DOCK3: variants seen among roughly 807,000 people sequenced by gnomAD.
The protein encoded by DOCK3 is dedicator of cytokinesis 3, also known as dedicator of cytokinesis protein 3.
Under a neutral mutation model 265.6 loss-of-function variants are expected in DOCK3, and 60 were observed. The observed-to-expected ratio is 0.23, with a 90% CI of 0.18 to 0.28. DOCK3 has a LOEUF of 0.28. DOCK3 is among the 10% of genes least tolerant of loss of function. The probability of loss-of-function intolerance (pLI) is 1.00; values close to 1 mark genes in which losing one functional copy is unlikely to be tolerated. For missense variants in DOCK3, 1,981 were observed against 2,594.3 expected, an observed-to-expected ratio of 0.76 and a Z score of 5.14; for synonymous variants, 881 against 938.0, an observed-to-expected ratio of 0.94 and a Z score of 1.11.
intron 49 of DOCK3, among the ~76,000 whole-genome samples, chr3:51,364,637 A>C (rs2086997875): frequency 6.6e-6 from 1 of 152,212 alleles, no homozygotes; most frequent in African/African-American, 2.4e-5. Context: ...TAAGTCTTTA[A>C]TCCATCTTAA....
chr3:51,257,736 G>A (rs906329579), intron 22 of DOCK3, among the ~76,000 whole-genome samples: 1 of 152,210 alleles, frequency 6.6e-6, no homozygotes, highest in African/African-American at 2.4e-5. Flanking sequence ...GGACAGGGCA[G>A]CTGCTTCAGC....
At chr3:51,271,087 T>C (rs2080468495) in intron 24 of DOCK3, 80 bp downstream of exon 24, 4 of 1,440,268 alleles carry the variant, frequency 2.8e-6, no homozygotes, top group African/African-American at 1.4e-5. Flanking sequence ...AAAGTGATAA[T>C]CAAAGGATCA....
At chr3:51,103,761 G>T (rs1002486867) in intron 9 of DOCK3, among the ~76,000 whole-genome samples, 2 of 152,192 alleles carry the variant, frequency 1.3e-5, no homozygotes, top group South Asian at 2.1e-4. Flanking sequence ...CTTTGGCCAA[G>T]TTGGACTCTG....
intron 27 of DOCK3, among the ~76,000 whole-genome samples, chr3:51,288,947 G>A (rs796087952): frequency 6.6e-5 from 10 of 151,454 alleles, no homozygotes; most frequent in African/African-American, 2.4e-4. Context: ...TGTATTTAAA[G>A]TAAATCGGTG....
intron 1 of DOCK3, among the ~76,000 whole-genome samples, chr3:50,777,244 C>A (rs995020456): frequency 6.6e-6 from 1 of 151,922 alleles, no homozygotes; most frequent in African/African-American, 2.4e-5. Flanking sequence ...TTGTTGAATA[C>A]CATTTGGCTT....
At chr3:50,856,499 T>C (rs114136863) in intron 3 of DOCK3, among the ~76,000 whole-genome samples, 255 of 152,318 alleles carry the variant, frequency 1.7e-3, no homozygotes, top group African/African-American at 5.9e-3. Context: ...TTGAGAAGTT[T>C]TTGTTCATGT....
In DOCK3 at chr3:51,361,712, C is replaced by A; in HGVS notation, c.5007-147C>A. ...GGTACAGCTCAGGACTGCTCCAGGC[C>A]TCAGATGGGTATGAGCATTGACTAT... On this transcript the variant is annotated intron_variant, in intron 47 of 52. Coordinates refer to ENST00000266037, the MANE Select transcript of DOCK3 (RefSeq NM_004947.5). This position sits in a 1 kb window ranked among gnomAD's most constrained non-coding sequence, Gnocchi z 4.2. 9.0e-7 allele frequency: 1 copy of A among 1,113,844 alleles called. No individual in the cohort carries two copies. Among genetic ancestry groups the A allele is most frequent in the Non-Finnish European group, 1.3e-6 (1 of 796,218 alleles). 69.0% of individuals were successfully genotyped at this position (1,113,844 alleles called of 1,614,324 possible). A position where few individuals can be genotyped will look rare whatever the true frequency, so the allele number is the denominator to read the frequency against.
rs377200419 is a variant in DOCK3, at chr3:51,089,256, G to T, written c.563G>T (p.Arg188Leu). ...SDLYKMHLSS[R>L]QSVQQSTSQV... ...TTCTTTCCATAGCATTTATCTAGCC[G>T]GCAGAGTGTACAGCAAAGCACATCC... is the stretch of plus-strand genomic sequence containing the variant. The change falls in exon 8 of 53, where the codon CGG (arginine) becomes CTG (leucine). Residue 188 changes from arginine to leucine, a missense_variant. Coordinates refer to ENST00000266037, the MANE Select transcript of DOCK3 (RefSeq NM_004947.5). The T allele has an allele frequency of 1.2e-6, 2 of 1,609,138 alleles. No homozygotes were observed. The highest frequency in any genetic ancestry group is 1.7e-6 in the Non-Finnish European group (2 of 1,177,702).
intron 1 of DOCK3, among the ~76,000 whole-genome samples, chr3:50,690,760 A>G (rs1378569072): frequency 6.6e-6 from 1 of 151,684 alleles, no homozygotes; most frequent in Non-Finnish European, 1.5e-5. Flanking sequence ...CTCCTGCCTC[A>G]GCCTCCCGAG....
At chr3:50,855,362 A>T (rs1216275099) in intron 3 of DOCK3, among the ~76,000 whole-genome samples, 2 of 150,320 alleles carry the variant, frequency 1.3e-5, no homozygotes, top group Non-Finnish European at 3.0e-5. Context: ...ATGTATTCCT[A>T]GGTATTGTAT....
rs747292005 is a variant in DOCK3 at position 51,341,230 on chromosome 3, C to T, written c.3767-7C>T. 1.3e-6 allele frequency: 2 copies of T among 1,564,764 alleles called. No homozygotes were observed. The highest frequency in any genetic ancestry group is 2.2e-5 in the East Asian group (1 of 44,450). ...CCCCTGGACCTCCATGCTGTCTGTC[C>T]CCACAGAGGCCGCATTTACCCTGCT... On this transcript the variant is annotated splice_polypyrimidine_tract_variant and splice_region_variant and intron_variant, in intron 37 of 52. Coordinates refer to ENST00000266037, the MANE Select transcript of DOCK3 (RefSeq NM_004947.5).
chr3:51,204,246 A>G (rs1413602618), intron 12 of DOCK3, among the ~76,000 whole-genome samples: 7 of 148,934 alleles, frequency 4.7e-5, no homozygotes, highest in Non-Finnish European at 1.0e-4. Flanking sequence ...AAATGGGAGA[A>G]AATTTTCACA....
rs1251382267 is a variant in DOCK3, at chr3:51,164,524, C to T, written c.1037+3822C>T. On this transcript the variant is annotated intron_variant, in intron 12 of 52. Transcript: ENST00000266037. The stretch of plus-strand genomic sequence containing the variant: ...TGTAGTCCCAGCTACTTGGGAAGGC[C>T]GAGGCAGGAGAATGGCGTGAACCCG... Among the ~76,000 whole-genome samples, 8 of 150,046 alleles carry T rather than the reference C, an allele frequency of 5.3e-5. 1 individual carries two copies. The highest frequency in any genetic ancestry group is 4.2e-4 in the South Asian group (2 of 4,756).
At chr3:51,289,113 A>G (rs963081007) in intron 27 of DOCK3, among the ~76,000 whole-genome samples, 6 of 152,158 alleles carry the variant, frequency 3.9e-5, no homozygotes, top group Admixed American at 3.9e-4. Flanking sequence ...ACACAGCCAT[A>G]AAAAAGAATG....
At chr3:51,210,546 GA>G (rs1459488028) in intron 13 of DOCK3, among the ~76,000 whole-genome samples, 1 of 152,190 alleles carries the variant, frequency 6.6e-6, no homozygotes, top group Non-Finnish European at 1.5e-5. Flanking sequence ...GCTGAACAAG[GA>G]TAGAACCCAG....
At chr3:50,998,163 G>A (rs890815759) in intron 5 of DOCK3, among the ~76,000 whole-genome samples, 1 of 152,118 alleles carries the variant, frequency 6.6e-6, no homozygotes, top group African/African-American at 2.4e-5. Flanking sequence ...AACAAAAATT[G>A]CCCTGTGTCA....
chr3:51,370,709 G>C (rs1207812629), intron 49 of DOCK3, among the ~76,000 whole-genome samples: 1 of 152,190 alleles, frequency 6.6e-6, no homozygotes, highest in Non-Finnish European at 1.5e-5. Context: ...AAATGGCTTG[G>C]TTATCTGTTG....
intron 3 of DOCK3, among the ~76,000 whole-genome samples, chr3:50,869,827 T>G (rs2047351747): frequency 1.3e-5 from 2 of 152,234 alleles, no homozygotes; most frequent in Admixed American, 1.3e-4. Flanking sequence ...CTGCTTTTGC[T>G]GTATTTTTCT....
At chr3:50,765,527 C>G (rs952353586) in intron 1 of DOCK3, among the ~76,000 whole-genome samples, 3 of 152,050 alleles carry the variant, frequency 2.0e-5, no homozygotes, top group African/African-American at 7.2e-5. Flanking sequence ...GGAGAAAGCT[C>G]TACTCTCTTT....
Sources: gnomAD v4.1 joint callset for allele counts (sites outside exome capture counted in the v4.1 genomes callset) on GRCh38, gnomAD v4.1.1 for gene constraint, Gnocchi (gnomAD v3.1) non-coding constraint, MANE v1.5 for transcripts, NCBI Gene and HGNC (gene_info 2026-07-23, HGNC 2026-07-21) for gene names.